TM7SF2: variants seen among roughly 807,000 people sequenced by gnomAD.
TM7SF2 encodes transmembrane 7 superfamily member 2.
In TM7SF2, 51 loss-of-function variants were observed where a neutral mutation model predicts 51.0. The observed-to-expected ratio is 1.00, with a 90% CI of 0.80 to 1.26. The LOEUF is 1.26. TM7SF2 is among the 50% of genes most tolerant of loss of function. The probability of loss-of-function intolerance (pLI) is 0.00; values close to 1 mark genes in which losing one functional copy is unlikely to be tolerated. For synonymous variants in TM7SF2, 255 were observed against 241.0 expected, an observed-to-expected ratio of 1.06 and a Z score of -0.54; for missense variants, 541 against 547.4, an observed-to-expected ratio of 0.99 and a Z score of 0.12.
In TM7SF2 at chr11:65,112,942, G is replaced by A. The variant is rs958336965; in HGVS notation, c.304+77G>A. On this transcript the variant is annotated intron_variant, in intron 3 of 9. Transcript: ENST00000279263. Reference sequence around the variant, plus strand: ...TCCAGGCCTAGCGGGGAGGTCCACGGAGATTGGCCCCCACCCCAGGCTCCT... The same window carrying A: ...TCCAGGCCTAGCGGGGAGGTCCACGAAGATTGGCCCCCACCCCAGGCTCCT... The A allele has an allele frequency of 2.6e-6, 4 of 1,511,720 alleles. No homozygotes were observed. In the African/African-American group the frequency reaches 5.5e-5, roughly 21 times the overall value. The allele number at this position is 1,511,720 out of a possible 1,614,324, so 93.6% of individuals were successfully genotyped here.
At chr11:65,112,947 T>G (rs1947929172) in intron 3 of TM7SF2, 82 bp downstream of exon 3, 1 of 1,494,264 alleles carries the variant, frequency 6.7e-7, no homozygotes, top group Non-Finnish European at 9.1e-7. Flanking sequence ...CCACGGAGAT[T>G]GGCCCCCACC....
chr11:65,113,387 T>G lies in TM7SF2; in HGVS notation c.472T>G (p.Ser158Ala), dbSNP rs763435259. 4 of 1,614,068 alleles carry G rather than the reference T, an allele frequency of 2.5e-6. No individual in the cohort carries two copies. Among genetic ancestry groups the G allele is most frequent in the Non-Finnish European group, 3.4e-6 (4 of 1,180,030 alleles). ...CATGAAGGCGCAGGTAGCCCCAGTT[T>G]CGGCCCTGGCACCTGGGGGGAACTC... ...LYMKAQVAPV[S>A]ALAPGGNSGN... The change falls in exon 4 of 10, where the codon TCG (serine) becomes GCG (alanine). Residue 158 changes from serine to alanine, a missense_variant. Ser to Ala is a moderately conservative substitution (Grantham distance 99). Transcript: ENST00000279263.
chr11:65,113,458 C>G (rs2137202673), intron 4 of TM7SF2, 33 bp from the exon 5 acceptor site: 1 of 1,614,176 alleles, frequency 6.2e-7, no homozygotes. Flanking sequence ...ATTGGGGCGT[C>G]TGCCTGTACA....
At chr11:65,112,944 G>A in intron 3 of TM7SF2, 79 bp downstream of exon 3, 6 of 1,505,222 alleles carry the variant, frequency 4.0e-6, no homozygotes, top group South Asian at 3.7e-5. Flanking sequence ...GGTCCACGGA[G>A]ATTGGCCCCC....
chr11:65,113,117 G>A (rs1947931595), intron 3 of TM7SF2, 103 bp from the exon 4 acceptor site: 1 of 1,298,404 alleles, frequency 7.7e-7, no homozygotes, highest in East Asian at 2.5e-5. Flanking sequence ...CTAATGCTTG[G>A]GGCAGGGTCT....
At position 65,115,227 on chromosome 11, in the gene TM7SF2, G is replaced by T. The variant is rs1187501349; in HGVS notation, c.893-87G>T. 2.3e-5 allele frequency: 37 copies of T among 1,594,598 alleles called. No homozygotes were observed. The East Asian group carries it at 8.3e-4, about 36-fold the overall frequency. ...GTCCTGGGGGTCCAGGCAGAGTCTG[G>T]GCTGCAGACAAGTTGGGCAGATGTT... On this transcript the variant is annotated intron_variant, in intron 7 of 9. Coordinates refer to ENST00000279263, the MANE Select transcript of TM7SF2 (RefSeq NM_003273.6).
At position 65,112,539 on chromosome 11, in the gene TM7SF2, T is replaced by C; in HGVS notation, c.77T>C (p.Leu26Pro). The C allele has an allele frequency of 4.6e-6, 7 of 1,532,530 alleles. No individual in the cohort carries two copies. The highest frequency in any genetic ancestry group is 6.1e-6 in the Non-Finnish European group (7 of 1,149,222). The allele number at this position is 1,532,530 out of a possible 1,614,324, so 94.9% of individuals were successfully genotyped here. ...PLGAAALLLL[L>P]PATMFHLLLA... The stretch of plus-strand genomic sequence containing the variant: ...GGCGCCGCGGCTCTGCTACTGCTGC[T>C]GCCCGCCACCATGTTCCACCTGCTC... The change falls in exon 2 of 10, where the codon CTG becomes CCG. Residue 26 changes from leucine (L) to proline (P), a missense_variant. Transcript: ENST00000279263.
At position 65,114,987 on chromosome 11, in the gene TM7SF2, G is replaced by A. The variant is rs768906444; in HGVS notation, c.798G>A (p.Trp266Ter). 5.0e-6 allele frequency: 8 copies of A among 1,614,094 alleles called. No homozygotes were observed. The highest frequency in any genetic ancestry group is 4.2e-6 in the Non-Finnish European group (5 of 1,180,034). Reference sequence around the variant, plus strand: ...TGCTGGCGTTTGGGGACATGGCCTGGGTGCCCTTCACCTACAGCCTGCAGG... The same window carrying A: ...TGCTGGCGTTTGGGGACATGGCCTGAGTGCCCTTCACCTACAGCCTGCAGG... ...GFMLAFGDMA[W>*]VPFTYSLQAQ... The change falls in exon 7 of 10, where the codon TGG becomes TGA. Residue 266 changes from tryptophan to a stop codon, truncating the protein, a stop_gained. Coordinates refer to ENST00000279263, the MANE Select transcript of TM7SF2 (RefSeq NM_003273.6). LOFTEE classifies it high-confidence loss of function.
chr11:65,115,517 G>T lies in TM7SF2; in HGVS notation c.1015G>T (p.Val339Leu). The T allele has an allele frequency of 6.2e-7, 1 of 1,614,190 alleles. No individual in the cohort carries two copies. The highest frequency in any genetic ancestry group is 8.5e-7 in the Non-Finnish European group (1 of 1,180,024). The change falls in exon 9 of 10, where the codon GTG becomes TTG. Residue 339 changes from valine to leucine, a missense_variant. Physicochemically the swap from Val to Leu is conservative, Grantham distance 32. Coordinates refer to ENST00000279263, the MANE Select transcript of TM7SF2 (RefSeq NM_003273.6). Reference sequence around the variant, plus strand: ...TACAGCCACAGGGCGGAAACTGCTGGTGTCTGGGTGGTGGGGTATGGTCCG... The same window carrying T: ...TACAGCCACAGGGCGGAAACTGCTGTTGTCTGGGTGGTGGGGTATGGTCCG... ...ISTATGRKLL[V>L]SGWWGMVRHP...
chr11:65,115,006 C>G lies in TM7SF2; in HGVS notation c.817C>G (p.Leu273Val), dbSNP rs770862173. 3 of 1,614,220 alleles carry G rather than the reference C, an allele frequency of 1.9e-6. No individual in the cohort carries two copies. The highest frequency in any genetic ancestry group is 2.2e-5 in the South Asian group (2 of 91,092). ...DMAWVPFTYS[L>V]QAQFLLHHPQ... ...GGCCTGGGTGCCCTTCACCTACAGCCTGCAGGCCCAGTTCCTGCTGCACCA... is the reference window on the plus strand; with the variant it reads ...GGCCTGGGTGCCCTTCACCTACAGCGTGCAGGCCCAGTTCCTGCTGCACCA... The change falls in exon 7 of 10, where the codon CTG becomes GTG. Residue 273 changes from leucine to valine, a missense_variant. Leu to Val is a conservative substitution (Grantham distance 32, BLOSUM62 1). Coordinates refer to ENST00000279263, the MANE Select transcript of TM7SF2 (RefSeq NM_003273.6).
chr11:65,112,997 C>G (rs1198095677), intron 3 of TM7SF2, 132 bp downstream of exon 3: 1 of 1,192,216 alleles, frequency 8.4e-7, no homozygotes, highest in African/African-American at 1.5e-5. Context: ...CCAGGACAGA[C>G]GCCGGGGGCT....
Position 65,112,694 on chromosome 11 carries a change from C to T in TM7SF2, c.232C>T (p.Leu78=). Residue 78 remains leucine, a synonymous_variant, in exon 2 of 10, where the codon CTA becomes TTA. Transcript: ENST00000279263. The part of the protein sequence containing the change: ...AWLGLQAALY[L]LPARKVAEGQ... The stretch of plus-strand genomic sequence containing the variant: ...GCTCGGCCTGCAGGCGGCGCTCTAC[C>T]TACTGCCGGCGCGCAAGGTGCGGGC... 6.5e-7 allele frequency: 1 copy of T among 1,543,534 alleles called. No homozygotes were observed. The highest frequency in any genetic ancestry group is 8.7e-7 in the Non-Finnish European group (1 of 1,145,392).
At position 65,114,800 on chromosome 11, in the gene TM7SF2, T is replaced by G; in HGVS notation, c.691T>G (p.Leu231Val). 4 of 1,614,268 alleles carry G rather than the reference T, an allele frequency of 2.5e-6. No homozygotes were observed. The highest frequency in any genetic ancestry group is 3.4e-6 in the Non-Finnish European group (4 of 1,180,044). Reference sequence around the variant, plus strand: ...CATGTGGCTGGTCAATGGCTTCCAGTTGCTCTACGTGGGTGATGCCCTCTG... The same window carrying G: ...CATGTGGCTGGTCAATGGCTTCCAGGTGCTCTACGTGGGTGATGCCCTCTG... ...LAMWLVNGFQLLYVGDALWHE... is the reference protein window; with the variant it reads ...LAMWLVNGFQVLYVGDALWHE... Residue 231 changes from leucine (L) to valine (V), a missense_variant, in exon 6 of 10, where the codon TTG (leucine) becomes GTG (valine). Transcript: ENST00000279263.
In TM7SF2 at chr11:65,115,919, T is replaced by TA; in HGVS notation, c.1124dup (p.Tyr375Ter). 6.2e-7 allele frequency: 1 copy of TA among 1,614,086 alleles called. No homozygotes were observed. Among genetic ancestry groups the TA allele is most frequent in the Non-Finnish European group, 8.5e-7 (1 of 1,180,012 alleles). ...CGVSHLLPYF[Y>*]LLYFTALLVH... ...GGTGTCACACCTGCTGCCCTACTTC[T>TA]ACCTCCTCTACTTCACCGCGCTGCT... is the stretch of plus-strand genomic sequence containing the variant. The change falls in exon 10 of 10, where the codon TAC becomes TAAC. Residue 375 changes from tyrosine (Y) to a stop codon, truncating the protein, a stop_gained and frameshift_variant. Transcript: ENST00000279263. LOFTEE classifies it high-confidence loss of function.
chr11:65,113,402 G>A lies in TM7SF2; in HGVS notation c.487G>A (p.Gly163Arg). The A allele has an allele frequency of 6.2e-7, 1 of 1,614,110 alleles. No individual in the cohort carries two copies. Among genetic ancestry groups the A allele is most frequent in the Middle Eastern group, 1.6e-4 (1 of 6,062 alleles). ...AGCCCCAGTTTCGGCCCTGGCACCT[G>A]GGGGGAACTCAGGTGAGAGGGGTCC... ...QVAPVSALAPGGNSGNPIYDF... is the reference protein window; with the variant it reads ...QVAPVSALAPRGNSGNPIYDF... The change falls in exon 4 of 10, where the codon GGG becomes AGG. Residue 163 changes from glycine to arginine, a missense_variant. Coordinates refer to ENST00000279263, the MANE Select transcript of TM7SF2 (RefSeq NM_003273.6).
chr11:65,115,971 G>A lies in TM7SF2; in HGVS notation c.1175G>A (p.Arg392Gln), dbSNP rs1947977712. 1 of 1,613,776 alleles carries A rather than the reference G, an allele frequency of 6.2e-7. No homozygotes were observed. The highest frequency in any genetic ancestry group is 8.5e-7 in the Non-Finnish European group (1 of 1,180,018). ...GTGCACCGTGAGGCCCGGGATGAGC[G>A]GCAGTGCCTGCAGAAGTACGGCCTG... Reference protein sequence around the residue: ...LLVHREARDERQCLQKYGLAW... With the variant: ...LLVHREARDEQQCLQKYGLAW... Residue 392 changes from arginine to glutamine, a missense_variant, in exon 10 of 10, where the codon CGG becomes CAG. Coordinates refer to ENST00000279263, the MANE Select transcript of TM7SF2 (RefSeq NM_003273.6).
chr11:65,112,669 G>T lies in TM7SF2; in HGVS notation c.207G>T (p.Trp69Cys). 3.9e-6 allele frequency: 6 copies of T among 1,533,584 alleles called. No homozygotes were observed. Among genetic ancestry groups the T allele is most frequent in the Non-Finnish European group, 5.3e-6 (6 of 1,142,554 alleles). The allele number at this position is 1,533,584 out of a possible 1,614,324, so 95.0% of individuals were successfully genotyped here. Reference sequence around the variant, plus strand: ...GGGCGCTGCTGCTGTGGCTCGCCTGGCTCGGCCTGCAGGCGGCGCTCTACC... The same window carrying T: ...GGGCGCTGCTGCTGTGGCTCGCCTGTCTCGGCCTGCAGGCGGCGCTCTACC... ...SPRALLLWLA[W>C]LGLQAALYLL... Residue 69 changes from tryptophan to cysteine, a missense_variant, in exon 2 of 10, where the codon TGG (tryptophan) becomes TGT (cysteine). Transcript: ENST00000279263.
At position 65,114,816 on chromosome 11, in the gene TM7SF2, A is replaced by T. The variant is rs1262050128; in HGVS notation, c.707A>T (p.Asp236Val). 1 of 1,614,236 alleles carries T rather than the reference A, an allele frequency of 6.2e-7. No homozygotes were observed. The highest frequency in any genetic ancestry group is 1.3e-5 in the African/African-American group (1 of 75,072). Reference sequence around the variant, plus strand: ...GGCTTCCAGTTGCTCTACGTGGGTGATGCCCTCTGGCACGAGGTGAGGCTG... The same window carrying T: ...GGCTTCCAGTTGCTCTACGTGGGTGTTGCCCTCTGGCACGAGGTGAGGCTG... ...VNGFQLLYVG[D>V]ALWHEEAVLT... The change falls in exon 6 of 10, where the codon GAT becomes GTT. Residue 236 changes from aspartate to valine, a missense_variant. By Grantham distance (152) the Asp-to-Val change is radical (BLOSUM62 -3). Transcript: ENST00000279263.
chr11:65,114,514 G>A (rs774569537), intron 5 of TM7SF2, among the ~76,000 whole-genome samples, 199 bp from the exon 6 acceptor site: 9 of 152,250 alleles, frequency 5.9e-5, no homozygotes, highest in Admixed American at 3.9e-4. Context: ...GCCTTAGCCC[G>A]AAAGGGCTTA....
Sources: allele counts gnomAD v4.1 joint callset (sites outside exome capture counted in the v4.1 genomes callset), GRCh38; gene constraint gnomAD v4.1.1; transcripts MANE v1.5; gene names NCBI Gene and HGNC (gene_info 2026-07-23, HGNC 2026-07-21).